The following CYFIP1 variants were observed in gnomAD, a reference collection of about 807,000 sequenced individuals.
The protein encoded by CYFIP1 is cytoplasmic FMR1-interacting protein 1.
Under a neutral mutation model 163.5 loss-of-function variants are expected in CYFIP1, and 58 were observed. The ratio of observed to expected loss-of-function variants is 0.35; its 90% confidence interval spans 0.29 to 0.44. CYFIP1 has a LOEUF of 0.44. Among genes scored for constraint, CYFIP1 ranks in the 20% least tolerant of loss-of-function variants. The pLI is 1.00. For synonymous variants in CYFIP1, 663 were observed against 660.7 expected (o/e 1.00, Z -0.05); for missense variants, 1,338 against 1,653.8 (o/e 0.81, Z 3.31).
intron 1 of CYFIP1, chr15:22,951,667 CG>C (rs2062254581): frequency 1.3e-6 from 1 of 762,994 alleles, no homozygotes; most frequent in African/African-American, 1.8e-5. Flanking sequence ...CAGGTCGGAC[CG>C]AGCACCCTGG....
In CYFIP1 at chr15:22,917,074, G is replaced by A. The variant is rs1301789205; in HGVS notation, c.1675-444C>T. 1 of 1,490,892 alleles carries A rather than the reference G, an allele frequency of 6.7e-7. No individual in the cohort carries two copies. The highest frequency in any genetic ancestry group is 2.3e-5 in the Admixed American group (1 of 43,370). 92.4% of individuals were successfully genotyped at this position (1,490,892 alleles called of 1,614,324 possible). The stretch of plus-strand genomic sequence containing the variant: ...AGGGAGAGGCAGGAGAGAGACGTTA[G>A]TCACTCGACACACACACCCCAGGCA... On this transcript the variant is annotated intron_variant, in intron 15 of 30. Transcript: ENST00000617928. This position sits in a 1 kb window ranked among gnomAD's most constrained non-coding sequence, Gnocchi z 4.2.
chr15:22,876,838 AAAAAG>A (rs1294358165), intron 26 of CYFIP1, among the ~76,000 whole-genome samples: 1 of 151,826 alleles, frequency 6.6e-6, no homozygotes, highest in Non-Finnish European at 1.5e-5. Flanking sequence ...GTCTAAAAAA[AAAAAG>A]AAATGATGTA....
intron 26 of CYFIP1, among the ~76,000 whole-genome samples, chr15:22,877,647 G>A (rs2059623994): frequency 6.6e-6 from 1 of 152,210 alleles, no homozygotes; most frequent in Non-Finnish European, 1.5e-5. Flanking sequence ...GCTGGTCTGA[G>A]ACACTGGTGG....
intron 23 of CYFIP1, among the ~76,000 whole-genome samples, chr15:22,885,004 C>G: frequency 6.6e-6 from 1 of 151,710 alleles, no homozygotes; most frequent in Admixed American, 6.6e-5. Context: ...ACCATAGGGG[C>G]AGGGCAGGCC....
At chr15:22,909,677 TACTA>T (rs1420980232) in intron 20 of CYFIP1, among the ~76,000 whole-genome samples, 1 of 152,222 alleles carries the variant, frequency 6.6e-6, no homozygotes, top group Non-Finnish European at 1.5e-5. Context: ...TTCCATATTT[TACTA>T]ACTAGTTTTG....
At chr15:22,921,763 T>C (rs1441894075) in intron 13 of CYFIP1, among the ~76,000 whole-genome samples, 8 of 53,226 alleles carry the variant, frequency 1.5e-4, no homozygotes, top group African/African-American at 6.8e-4. Context: ...AGACTCTGTC[T>C]CAAAAAAAAA....
chr15:22,914,689 C>A (rs1432788892), intron 17 of CYFIP1, 37 bp downstream of exon 17: 18 of 1,573,858 alleles, frequency 1.1e-5, no homozygotes, highest in Non-Finnish European at 1.4e-5. Flanking sequence ...CCGGTCACCA[C>A]ACACAAAGGC....
At chr15:22,933,714 T>C (rs2061611324) in intron 10 of CYFIP1, 88 bp downstream of exon 10, 1 of 932,698 alleles carries the variant, frequency 1.1e-6, no homozygotes, top group African/African-American at 1.6e-5. Context: ...AACAGTGTTA[T>C]CTCTAGACAA....
chr15:22,949,330 G>T (rs532598374), intron 1 of CYFIP1, among the ~76,000 whole-genome samples: 2 of 147,446 alleles, frequency 1.4e-5, no homozygotes, highest in Non-Finnish European at 3.0e-5. Context: ...CTAAAGCGGG[G>T]AGGTGCCAAC....
chr15:22,919,933 G>A (rs748445516), intron 13 of CYFIP1, among the ~76,000 whole-genome samples: 1 of 151,698 alleles, frequency 6.6e-6, no homozygotes, highest in South Asian at 2.1e-4. Flanking sequence ...AAGCCAGGAG[G>A]ATCACTTGAG....
chr15:22,941,686 G>T lies in CYFIP1; in HGVS notation c.569+1487C>A, dbSNP rs139706728. Among the ~76,000 whole-genome samples the T allele has an allele frequency of 8.4e-3, 1,277 of 152,112 alleles. 8 individuals carry two copies. Among genetic ancestry groups the T allele is most frequent in the Non-Finnish European group, 0.015 (1,036 of 67,980 alleles). On this transcript the variant is annotated intron_variant, in intron 6 of 30. Transcript: ENST00000617928. ...CAGGCCCACTCTTTGGTGCTCAGGGGAACCTGGAGGTGGTGAAGACGCTAG... is the reference window on the plus strand; with the variant it reads ...CAGGCCCACTCTTTGGTGCTCAGGGTAACCTGGAGGTGGTGAAGACGCTAG...
intron 17 of CYFIP1, among the ~76,000 whole-genome samples, chr15:22,913,560 G>GAAAA (rs1287030177): frequency 3.1e-5 from 1 of 32,260 alleles, no homozygotes; most frequent in African/African-American, 1.2e-4. Context: ...AAGAAAGAAA[G>GAAAA]AAAAAAAAGA....
At chr15:22,909,354 T>C (rs1215028681) in intron 20 of CYFIP1, 41 bp from the exon 21 acceptor site, 6 of 1,606,554 alleles carry the variant, frequency 3.7e-6, no homozygotes, top group South Asian at 1.1e-5. Flanking sequence ...AGAGTGGACA[T>C]GAGCAGCTCG....
chr15:22,912,449 C>CCGCGCCTGAGGT (rs1566961858), intron 17 of CYFIP1, 174 bp from the exon 18 acceptor site: 8 of 518,804 alleles, frequency 1.5e-5, no homozygotes, highest in African/African-American at 9.8e-5. Context: ...GCGCCTGAGG[C>CCGCGCCTGAGGT]GGCCGCCACA....
chr15:22,937,897 C>G (rs2061767645), intron 8 of CYFIP1, among the ~76,000 whole-genome samples: 1 of 152,178 alleles, frequency 6.6e-6, no homozygotes. Context: ...AGCCACCGTG[C>G]CCAGTCACAA....
At chr15:22,977,026 C>T (rs1201159341) in intron 1 of CYFIP1, among the ~76,000 whole-genome samples, 2 of 152,066 alleles carry the variant, frequency 1.3e-5, no homozygotes, top group Admixed American at 1.3e-4. Flanking sequence ...ACGGAGAAAC[C>T]CCATCTCTAC....
Position 22,873,774 on chromosome 15 carries a change from C to T in CYFIP1, c.3211-45G>A, listed in dbSNP as rs763049201. 5.4e-6 allele frequency: 8 copies of T among 1,469,254 alleles called. No individual in the cohort carries two copies. The Admixed American group carries it at 1.4e-4, about 26-fold the overall frequency. The allele number at this position is 1,469,254 out of a possible 1,614,324, so 91.0% of individuals were successfully genotyped here. A position where few individuals can be genotyped will look rare whatever the true frequency, so the allele number is the denominator to read the frequency against. On this transcript the variant is annotated intron_variant, in intron 28 of 30. Coordinates refer to ENST00000617928, the MANE Select transcript of CYFIP1 (RefSeq NM_014608.6). The stretch of plus-strand genomic sequence containing the variant: ...TGGAATGCCGTGGGCCTCCAGGCAT[C>T]CAGCTACTCCACATCCTCTATGTCT...
chr15:22,904,650 T>C (rs1191512316), intron 21 of CYFIP1: 1 of 152,282 alleles, frequency 6.6e-6, no homozygotes, highest in East Asian at 1.9e-4. Context: ...ATTACGGATC[T>C]GACTTGTGTT....
At chr15:22,908,528 T>C (rs1488539969) in intron 21 of CYFIP1, among the ~76,000 whole-genome samples, 2 of 129,588 alleles carry the variant, frequency 1.5e-5, no homozygotes, top group Admixed American at 7.7e-5. Flanking sequence ...CTTTTTTTTT[T>C]TTTTTTTTTT....
Sources: gnomAD v4.1 joint callset for allele counts (sites outside exome capture counted in the v4.1 genomes callset) on GRCh38, gnomAD v4.1.1 for gene constraint, Gnocchi (gnomAD v3.1) non-coding constraint, MANE v1.5 for transcripts, NCBI Gene and HGNC (gene_info 2026-07-23, HGNC 2026-07-21) for gene names.